Variants in CDH4 observed in about 807,000 individuals in gnomAD.
CDH4 encodes the protein cadherin 4, also known as cadherin-4.
CDH4 carries 33 observed loss-of-function variants against 86.0 expected under a neutral mutation model. That is an observed-to-expected ratio of 0.38 (90% CI 0.29 to 0.51). CDH4 has a LOEUF of 0.51. Among genes scored for constraint, CDH4 ranks in the 20% least tolerant of loss-of-function variants. CDH4 has a pLI of 0.86. For missense variants in CDH4, 1,114 were observed against 1,307.4 expected (o/e 0.85, Z 2.28); for synonymous variants, 555 against 549.4 (o/e 1.01, Z -0.14).
chr20:61,733,487 C>T (rs1015562940), intron 2 of CDH4, among the ~76,000 whole-genome samples: 4 of 152,146 alleles, frequency 2.6e-5, no homozygotes, highest in African/African-American at 9.7e-5. Context: ...CCCCACAGAC[C>T]CTCTGCTCCC....
At position 61,810,109 on chromosome 20, in the gene CDH4, G is replaced by A. The variant is rs916320275; in HGVS notation, c.577-34559G>A. Among the ~76,000 whole-genome samples, 1 of 152,220 alleles carries A rather than the reference G, an allele frequency of 6.6e-6. No homozygotes were observed. Among genetic ancestry groups the A allele is most frequent in the Non-Finnish European group, 1.5e-5 (1 of 68,036 alleles). On this transcript the variant is annotated intron_variant, in intron 4 of 15. Transcript: ENST00000614565. The surrounding 1 kb of genome is among the most constrained non-coding windows in gnomAD (Gnocchi z 4.3). ...GGTTTGGCTAGCGTTGGTCAGACCT[G>A]GACGGGCCTCAGCCGGGGTGGGGTG... is the stretch of plus-strand genomic sequence containing the variant.
intron 7 of CDH4, among the ~76,000 whole-genome samples, chr20:61,882,693 A>G (rs1393249454): frequency 6.6e-6 from 1 of 152,160 alleles, no homozygotes; most frequent in Non-Finnish European, 1.5e-5. Context: ...CTCTAGGTCT[A>G]TCAAAAGTGA....
intron 2 of CDH4, among the ~76,000 whole-genome samples, chr20:61,378,830 G>A (rs2084885200): frequency 6.6e-6 from 1 of 152,166 alleles, no homozygotes; most frequent in South Asian, 2.1e-4. Context: ...TGCAAAGATA[G>A]CCCAGAAAGG....
chr20:61,669,782 G>A (rs1172945753), intron 2 of CDH4, among the ~76,000 whole-genome samples: 1 of 152,164 alleles, frequency 6.6e-6, no homozygotes, highest in East Asian at 1.9e-4. Flanking sequence ...AATAACTTCT[G>A]ACAGCTGTAT....
chr20:61,571,291 G>A (rs1458309346), intron 2 of CDH4, among the ~76,000 whole-genome samples: 2 of 152,166 alleles, frequency 1.3e-5, no homozygotes, highest in Admixed American at 6.5e-5. Context: ...GGAGGACCCT[G>A]GCATCCTCAG....
intron 2 of CDH4, among the ~76,000 whole-genome samples, chr20:61,522,056 C>T (rs1389966380): frequency 2.6e-5 from 4 of 152,322 alleles, no homozygotes; most frequent in Middle Eastern, 3.4e-3. Context: ...AGCTGTGTCC[C>T]GTCTGTGGGA....
chr20:61,830,291 G>A (rs532019032), intron 4 of CDH4, among the ~76,000 whole-genome samples: 17 of 152,246 alleles, frequency 1.1e-4, no homozygotes, highest in South Asian at 1.0e-3. Context: ...GGGGCTCAGC[G>A]TCCTGCGTGG....
chr20:61,464,413 C>T (rs754073008), intron 2 of CDH4, among the ~76,000 whole-genome samples: 12 of 152,154 alleles, frequency 7.9e-5, no homozygotes, highest in Admixed American at 2.0e-4. Flanking sequence ...AAGAAGTTAA[C>T]GCTGCTACTA....
chr20:61,782,832 C>G (rs865962808), intron 4 of CDH4, among the ~76,000 whole-genome samples: 2 of 152,274 alleles, frequency 1.3e-5, no homozygotes, highest in Middle Eastern at 6.8e-3. Flanking sequence ...GCCTGTCATC[C>G]CAGCACTTTG....
intron 2 of CDH4, among the ~76,000 whole-genome samples, chr20:61,710,319 C>T (rs2087876058): frequency 1.3e-5 from 2 of 152,168 alleles, no homozygotes. Context: ...GGCTAAGTGG[C>T]TGCCGATTGG....
At chr20:61,604,042 C>T (rs937551487) in intron 2 of CDH4, among the ~76,000 whole-genome samples, 8 of 152,166 alleles carry the variant, frequency 5.3e-5, no homozygotes, top group African/African-American at 7.2e-5. Flanking sequence ...CCGCAATCCC[C>T]GTGGCCAGCT....
At chr20:61,817,431 C>A (rs970690984) in intron 4 of CDH4, among the ~76,000 whole-genome samples, 7 of 152,320 alleles carry the variant, frequency 4.6e-5, no homozygotes, top group African/African-American at 7.2e-5. Flanking sequence ...CCCCACCCCC[C>A]AAATGGATCT....
intron 2 of CDH4, among the ~76,000 whole-genome samples, chr20:61,360,667 C>T (rs2084778671): frequency 6.6e-6 from 1 of 152,162 alleles, no homozygotes; most frequent in South Asian, 2.1e-4. Context: ...AGAAGGGCCC[C>T]AGATGTTCCT....
rs2085817766 is a variant in CDH4, at chr20:61,516,071, C to T, written c.170-227492C>T. Among the ~76,000 whole-genome samples the T allele has an allele frequency of 6.6e-6, 1 of 152,206 alleles. No homozygotes were observed. Among genetic ancestry groups the T allele is most frequent in the Non-Finnish European group, 1.5e-5 (1 of 68,038 alleles). On this transcript the variant is annotated intron_variant, in intron 2 of 15. Coordinates refer to ENST00000614565, the MANE Select transcript of CDH4 (RefSeq NM_001794.5). This position sits in a 1 kb window ranked among gnomAD's most constrained non-coding sequence, Gnocchi z 4.0. ...ATACGATTCCACCGCAGGCAGGCAGCTCCCTCACCACAGGGGCTCGCCTCG... is the reference window on the plus strand; with the variant it reads ...ATACGATTCCACCGCAGGCAGGCAGTTCCCTCACCACAGGGGCTCGCCTCG...
chr20:61,659,508 G>A (rs1311781438), intron 2 of CDH4, among the ~76,000 whole-genome samples: 4 of 152,324 alleles, frequency 2.6e-5, no homozygotes, highest in Non-Finnish European at 4.4e-5. Flanking sequence ...TCAAGTGAGC[G>A]AAGGGTCTCA....
intron 4 of CDH4, among the ~76,000 whole-genome samples, chr20:61,827,909 A>G (rs1981398861): frequency 6.6e-6 from 1 of 152,230 alleles, no homozygotes; most frequent in South Asian, 2.1e-4. Flanking sequence ...AGTAGGTTAG[A>G]TTCTTCAGGA....
At chr20:61,907,479 C>T (rs751790851) in intron 8 of CDH4, among the ~76,000 whole-genome samples, 38 of 152,316 alleles carry the variant, frequency 2.5e-4, no homozygotes, top group Non-Finnish European at 4.4e-4. Context: ...ACCCCCAGAA[C>T]ATATGGATCT....
Position 61,518,466 on chromosome 20 carries a change from G to GTCCA in CDH4, c.170-225085_170-225082dup, listed in dbSNP as rs928282255. ...ATCCATCATCCGTCATCCACCCATCGTCCATCCATCCATCCTTCCATCATT... is the reference window on the plus strand; with the variant it reads ...ATCCATCATCCGTCATCCACCCATCGTCCATCCATCCATCCATCCTTCCATCATT... On this transcript the variant is annotated intron_variant, in intron 2 of 15. Transcript: ENST00000614565. The surrounding 1 kb of genome is among the most constrained non-coding windows in gnomAD (Gnocchi z 6.3). 6.1e-5 allele frequency among the ~76,000 whole-genome samples: 9 copies of GTCCA among 147,974 alleles called. No homozygotes were observed. Among genetic ancestry groups the GTCCA allele is most frequent in the African/African-American group, 7.6e-5 (3 of 39,588 alleles).
intron 8 of CDH4, among the ~76,000 whole-genome samples, chr20:61,909,268 C>G (rs1402488616): frequency 6.6e-6 from 1 of 152,194 alleles, no homozygotes; most frequent in Non-Finnish European, 1.5e-5. Flanking sequence ...ACAGCACCGT[C>G]ACATCACAGA....
Sources: gnomAD v4.1 joint callset for allele counts (sites outside exome capture counted in the v4.1 genomes callset) on GRCh38, gnomAD v4.1.1 for gene constraint, Gnocchi (gnomAD v3.1) non-coding constraint, MANE v1.5 for transcripts, NCBI Gene and HGNC (gene_info 2026-07-23, HGNC 2026-07-21) for gene names.